The following DMD variants were observed in gnomAD, a reference collection of about 807,000 sequenced individuals.
The protein encoded by DMD is mutant dystrophin.
DMD carries 63 observed loss-of-function variants against 330.1 expected under a neutral mutation model. The ratio of observed to expected loss-of-function variants is 0.19; its 90% CI spans 0.16 to 0.24. The LOEUF is 0.24. Among genes scored for constraint, DMD ranks in the 10% least tolerant of loss-of-function variants. DMD has a pLI of 1.00. For synonymous variants in DMD, 1,223 were observed against 959.8 expected (o/e 1.27, Z -5.07); for missense variants, 3,344 against 2,684.1 (o/e 1.25, Z -5.43).
At chrX:32,398,900 C>A (rs772413367) in intron 30 of DMD, among the ~76,000 whole-genome samples, 20 of 110,962 alleles carry the variant, frequency 1.8e-4, no homozygotes, top group Admixed American at 3.8e-4. Flanking sequence ...AAACACACAG[C>A]CCAATAGAAC....
chrX:32,737,363 A>G (rs2068655399), intron 7 of DMD, among the ~76,000 whole-genome samples: 1 of 111,473 alleles, frequency 9.0e-6, no homozygotes. Context: ...GAAAATGACT[A>G]TTTTATGGTA....
At chrX:31,903,645 T>C (rs5972461) in intron 47 of DMD, among the ~76,000 whole-genome samples, 27,241 of 111,274 alleles carry the variant, frequency 0.24, 2,913 homozygotes, top group South Asian at 0.34. Context: ...CAAATGTGGG[T>C]ATAAATCTCT....
Position 33,199,188 on chromosome X carries a change from G to A in DMD, c.31+12094C>T, listed in dbSNP as rs1033980808. ...ATTGGCTGCATGAAGTTTAGAGAGT[G>A]GATTATCAAGAATACGAAAGAGAAT... On this transcript the variant is annotated intron_variant, in intron 1 of 78. Coordinates refer to ENST00000357033, the MANE Select transcript of DMD (RefSeq NM_004006.3). Among the ~76,000 whole-genome samples the A allele has an allele frequency of 3.6e-5, 4 of 111,240 alleles. No homozygotes were observed. The Admixed American group carries it at 3.9e-4, about 11-fold the overall frequency.
chrX:32,915,637 G>A (rs1422982229), intron 2 of DMD, among the ~76,000 whole-genome samples: 2 of 110,341 alleles, frequency 1.8e-5, no homozygotes, highest in African/African-American at 6.6e-5. Context: ...TGAATGATGA[G>A]TATTGAGCAT....
At chrX:32,720,402 C>T (rs957242718) in intron 7 of DMD, among the ~76,000 whole-genome samples, 1 of 111,285 alleles carries the variant, frequency 9.0e-6, no homozygotes, top group Non-Finnish European at 1.9e-5. Flanking sequence ...TTTTCTTTTA[C>T]AATCGTTTTT....
intron 44 of DMD, among the ~76,000 whole-genome samples, chrX:32,045,929 T>A (rs1243187754): frequency 1.8e-5 from 2 of 112,412 alleles, no homozygotes; most frequent in African/African-American, 6.5e-5. Context: ...ATAAATTGAC[T>A]GACAATTTCA....
intron 13 of DMD, among the ~76,000 whole-genome samples, chrX:32,587,374 G>A (rs968462792): frequency 8.9e-6 from 1 of 112,230 alleles, no homozygotes; most frequent in Non-Finnish European, 1.9e-5. Flanking sequence ...ACCATTAAAT[G>A]TCTGTCATTC....
At chrX:32,513,725 T>A (rs1310404655) in intron 18 of DMD, among the ~76,000 whole-genome samples, 1 of 111,516 alleles carries the variant, frequency 9.0e-6, no homozygotes, top group Non-Finnish European at 1.9e-5. Flanking sequence ...TCACCCTGGG[T>A]TTTAAGAAAG....
intron 25 of DMD, among the ~76,000 whole-genome samples, chrX:32,462,013 T>C (rs1374849532): frequency 1.8e-5 from 2 of 110,622 alleles, no homozygotes; most frequent in Non-Finnish European, 3.8e-5. Context: ...TGACATTACT[T>C]CTTTTCTATT....
chrX:32,131,856 A>C (rs2096696727), intron 44 of DMD, among the ~76,000 whole-genome samples: 1 of 112,105 alleles, frequency 8.9e-6, no homozygotes, highest in Non-Finnish European at 1.9e-5. Flanking sequence ...CCTCAGTGCC[A>C]GACCCTGCTT....
intron 9 of DMD, among the ~76,000 whole-genome samples, chrX:32,661,443 T>TA (rs1247656334): frequency 9.0e-6 from 1 of 111,447 alleles, no homozygotes; most frequent in Non-Finnish European, 1.9e-5. Flanking sequence ...GAAGAGCTAA[T>TA]AAAAAGCAGA....
chrX:32,716,634 G>C (rs1210539401), intron 7 of DMD, among the ~76,000 whole-genome samples: 3 of 111,182 alleles, frequency 2.7e-5, no homozygotes, highest in African/African-American at 9.8e-5. Context: ...AGAGTAAGAA[G>C]CACACGTTGG....
chrX:32,374,894 C>T lies in DMD; in HGVS notation c.4845+5616G>A, dbSNP rs750662812. On this transcript the variant is annotated intron_variant, in intron 34 of 78. Transcript: ENST00000357033. ...AAAGTAATTTTAAAAAGAAAGTAAT[C>T]GAGAAACAGAGAAAGGGATATGGAG... 3.6e-5 allele frequency among the ~76,000 whole-genome samples: 4 copies of T among 111,572 alleles called. 1 individual carries two copies. Among genetic ancestry groups the T allele is most frequent in the African/African-American group, 1.3e-4 (4 of 30,738 alleles).
At chrX:31,576,375 A>C (rs2076099326) in intron 55 of DMD, among the ~76,000 whole-genome samples, 1 of 111,666 alleles carries the variant, frequency 9.0e-6, no homozygotes, top group Admixed American at 9.5e-5. Flanking sequence ...CTGATCACTT[A>C]ATTCAAAACT....
chrX:31,450,518 G>A (rs1286323875), intron 59 of DMD, among the ~76,000 whole-genome samples: 3 of 112,501 alleles, frequency 2.7e-5, no homozygotes, highest in African/African-American at 9.7e-5. Context: ...TTCATGAAAT[G>A]TATCAGGCTC....
intron 2 of DMD, among the ~76,000 whole-genome samples, chrX:32,936,547 C>T (rs1372956979): frequency 8.9e-6 from 1 of 111,954 alleles, no homozygotes; most frequent in Non-Finnish European, 1.9e-5. Flanking sequence ...AACAGGACAG[C>T]CCACTCCTAG....
chrX:33,012,137 A>C lies in DMD; in HGVS notation c.93+8002T>G, dbSNP rs73621859. Among the ~76,000 whole-genome samples, 928 of 111,990 alleles carry C rather than the reference A, an allele frequency of 8.3e-3. 11 individuals are homozygous for C. Among genetic ancestry groups the C allele is most frequent in the African/African-American group, 0.028 (873 of 30,948 alleles). On this transcript the variant is annotated intron_variant, in intron 2 of 78. Coordinates refer to ENST00000357033, the MANE Select transcript of DMD (RefSeq NM_004006.3). ...AAGTGATTTGTCTTTCTTTGAAAAC[A>C]GTGAGACCTATCACAATCCATTTTT...
chrX:32,465,258 A>G (rs966144225), intron 23 of DMD, among the ~76,000 whole-genome samples: 1 of 111,737 alleles, frequency 8.9e-6, no homozygotes, highest in African/African-American at 3.3e-5. Context: ...ATCATCTTTT[A>G]TCATTTATAA....
intron 7 of DMD, among the ~76,000 whole-genome samples, chrX:32,782,645 T>C (rs1053196842): frequency 9.0e-6 from 1 of 111,086 alleles, no homozygotes; most frequent in Admixed American, 9.6e-5. Flanking sequence ...TGATATACAG[T>C]GGGCCCTCCG....
Sources: gnomAD v4.1 joint callset for allele counts (sites outside exome capture counted in the v4.1 genomes callset) on GRCh38, gnomAD v4.1.1 for gene constraint, MANE v1.5 for transcripts, NCBI Gene and HGNC (gene_info 2026-07-23, HGNC 2026-07-21) for gene names.